The following BAHCC1 variants were observed in gnomAD, a reference collection of about 807,000 sequenced individuals.
The protein encoded by BAHCC1 is BAH and coiled-coil domain-containing protein 1.
A neutral mutation model predicts 88.2 loss-of-function variants in BAHCC1; 43 were observed. The observed-to-expected ratio is 0.49, with a 90% CI of 0.38 to 0.63. The LOEUF (loss-of-function observed/expected upper bound fraction) is 0.63, where lower values mean the gene tolerates loss of function less well. Ranked by LOEUF, BAHCC1 falls within the 20% of genes least tolerant of loss-of-function variation. The pLI, the probability that BAHCC1 is intolerant of heterozygous loss-of-function variation, is 0.00. For missense variants in BAHCC1, 3,023 were observed against 1,654.8 expected (o/e 1.83, Z -14.34); for synonymous variants, 1,510 against 745.5 (o/e 2.03, Z -16.71).
At chr17:81,457,626 A>C in intron 17 of BAHCC1, 34 bp downstream of exon 17, 1 of 674,962 alleles carries the variant, frequency 1.5e-6, no homozygotes, top group Non-Finnish European at 2.7e-6. Flanking sequence ...TTGCTAGGTA[A>C]CCAGGAGGGA....
intron 12 of BAHCC1, 31 bp from the exon 13 acceptor site, chr17:81,451,940 G>A (rs782457043): frequency 1.1e-5 from 7 of 625,486 alleles, no homozygotes; most frequent in Middle Eastern, 2.5e-4. Flanking sequence ...GCCCTGGCCC[G>A]GCTCACAGGC....
At chr17:81,417,698 C>T (rs1421093582) in intron 2 of BAHCC1, among the ~76,000 whole-genome samples, 4 of 152,208 alleles carry the variant, frequency 2.6e-5, no homozygotes, top group South Asian at 2.1e-4. Context: ...GCCGTTTCCA[C>T]GCTGATTGGG....
intron 2 of BAHCC1, among the ~76,000 whole-genome samples, chr17:81,410,321 C>T (rs2063934398): frequency 6.6e-6 from 1 of 152,134 alleles, no homozygotes; most frequent in South Asian, 2.1e-4. Flanking sequence ...CCTGAGGGCC[C>T]ACCTCATGCC....
chr17:81,421,492 G>T (rs1005041276), intron 2 of BAHCC1, among the ~76,000 whole-genome samples: 4 of 152,244 alleles, frequency 2.6e-5, no homozygotes, highest in African/African-American at 9.6e-5. Flanking sequence ...GTGGGATAGG[G>T]AGGGCCTCAG....
rs966780744 is a variant in BAHCC1 at position 81,399,979 on chromosome 17, C to T, written c.178+62C>T. ...GTTCGAGAGCGGAACAGGGCGCCCA[C>T]CCCTCCGCTCCCGGGAGCAGAGAAG... On this transcript the variant is annotated intron_variant, in intron 2 of 27. Transcript: ENST00000675386. The surrounding 1 kb of genome is among the most constrained non-coding windows in gnomAD (Gnocchi z 4.5). 2.5e-5 allele frequency: 31 copies of T among 1,218,640 alleles called. No individual in the cohort carries two copies. Among genetic ancestry groups the T allele is most frequent in the Admixed American group, 8.7e-5 (2 of 22,998 alleles). 75.5% of individuals were successfully genotyped at this position (1,218,640 alleles called of 1,614,324 possible). A position where few individuals can be genotyped will look rare whatever the true frequency, so the allele number is the denominator to read the frequency against.
chr17:81,448,275 C>A (rs1189721662), intron 11 of BAHCC1, among the ~76,000 whole-genome samples: 1 of 152,202 alleles, frequency 6.6e-6, no homozygotes, highest in African/African-American at 2.4e-5. Context: ...ACCGTCGGCT[C>A]CCCGCTTCAG....
Position 81,399,074 on chromosome 17 carries a change from C to T in BAHCC1, c.-206-460C>T, listed in dbSNP as rs1175833255. ...GGGAGAGCTAGTGTGGACCCCAGGC[C>T]TTTTCCTCCGAGACACCTTTGGGCA... On this transcript the variant is annotated intron_variant, in intron 1 of 27. Transcript: ENST00000675386. This position sits in a 1 kb window ranked among gnomAD's most constrained non-coding sequence, Gnocchi z 4.5. 6 of 207,092 alleles carry T rather than the reference C, an allele frequency of 2.9e-5. No homozygotes were observed. The highest frequency in any genetic ancestry group is 1.4e-4 in the African/African-American group (6 of 41,862). The allele number at this position is 207,092 out of a possible 1,614,324, so 12.8% of individuals were successfully genotyped here. A position where few individuals can be genotyped will look rare whatever the true frequency, so the allele number is the denominator to read the frequency against.
At chr17:81,408,422 C>T (rs1163522635) in intron 2 of BAHCC1, among the ~76,000 whole-genome samples, 2 of 151,872 alleles carry the variant, frequency 1.3e-5, no homozygotes, top group African/African-American at 4.8e-5. Context: ...CCCTGCACCC[C>T]CACCTCTCAG....
intron 26 of BAHCC1, 161 bp from the exon 27 acceptor site, chr17:81,462,579 C>T (rs2030395208): frequency 1.7e-6 from 1 of 591,568 alleles, no homozygotes; most frequent in Non-Finnish European, 3.0e-6. Context: ...CTGCCATGGC[C>T]TTAAGCCGCG....
In BAHCC1 at chr17:81,459,582, G is replaced by A. The variant is rs143104730; in HGVS notation, c.5883G>A (p.Leu1961=). 85 of 779,722 alleles carry A rather than the reference G, an allele frequency of 1.1e-4. No homozygotes were observed. Among genetic ancestry groups the A allele is most frequent in the East Asian group, 3.9e-4 (16 of 41,242 alleles). 48.3% of individuals were successfully genotyped at this position (779,722 alleles called of 1,614,324 possible). Residue 1961 remains leucine, a synonymous_variant, in exon 23 of 28, where the codon CTG becomes CTA. Coordinates refer to ENST00000675386, the MANE Select transcript of BAHCC1 (RefSeq NM_001377448.1). ...CAYWSQKSRC[L]YPGNVVRGAS... is the part of the protein sequence containing the mutation. ...ACTGGAGTCAGAAGTCTCGATGTCTGTACCCGGGCAACGTGGTCCGGGGTA... is the reference window on the plus strand; with the variant it reads ...ACTGGAGTCAGAAGTCTCGATGTCTATACCCGGGCAACGTGGTCCGGGGTA...
chr17:81,398,988 A>G (rs1598443544), intron 1 of BAHCC1, among the ~76,000 whole-genome samples: 1 of 151,810 alleles, frequency 6.6e-6, no homozygotes, highest in Admixed American at 6.6e-5. Flanking sequence ...CTTAATTAGC[A>G]TGGTTATTCG....
chr17:81,462,451 G>C (rs924003620), intron 26 of BAHCC1: 1 of 510,192 alleles, frequency 2.0e-6, no homozygotes, highest in Non-Finnish European at 3.5e-6. Context: ...TTTTGCCTTC[G>C]TAAATAACAC....
chr17:81,449,275 C>T (rs1392966149), intron 11 of BAHCC1, among the ~76,000 whole-genome samples: 1 of 152,154 alleles, frequency 6.6e-6, no homozygotes, highest in South Asian at 2.1e-4. Flanking sequence ...CATGGTCCCC[C>T]CCTGGGCCCC....
chr17:81,415,651 C>A, intron 2 of BAHCC1: 1 of 475,106 alleles, frequency 2.1e-6, no homozygotes, highest in Non-Finnish European at 4.2e-6. Context: ...TCCTTCTTAG[C>A]ACCAGGGGCA....
At position 81,411,056 on chromosome 17, in the gene BAHCC1, C is replaced by G; in HGVS notation, c.178+11139C>G. The G allele has an allele frequency of 3.9e-6, 2 of 518,896 alleles. No individual in the cohort carries two copies. Among genetic ancestry groups the G allele is most frequent in the Non-Finnish European group, 7.7e-6 (2 of 259,702 alleles). The allele number at this position is 518,896 out of a possible 1,614,324, so 32.1% of individuals were successfully genotyped here. On this transcript the variant is annotated intron_variant, in intron 2 of 27. Coordinates refer to ENST00000675386, the MANE Select transcript of BAHCC1 (RefSeq NM_001377448.1). The surrounding 1 kb of genome is among the most constrained non-coding windows in gnomAD (Gnocchi z 6.2). ...AGGCCTGGGGCCCCCGTGCGCCTCC[C>G]CTCGGGCCTGAGGGGTCCCTCTCTC...
rs781902813 is a variant in BAHCC1 at position 81,447,179 on chromosome 17, C to T, written c.3307C>T (p.Pro1103Ser). The T allele has an allele frequency of 2.6e-6, 2 of 770,432 alleles. No individual in the cohort carries two copies. The highest frequency in any genetic ancestry group is 2.7e-5 in the South Asian group (2 of 73,552). 47.7% of individuals were successfully genotyped at this position (770,432 alleles called of 1,614,324 possible). ...AQPEPTRTFLPGEPPPCSPRS... is the reference protein window; with the variant it reads ...AQPEPTRTFLSGEPPPCSPRS... ...GCCTGAGCCCACAAGGACATTCCTGCCTGGGGAGCCGCCTCCCTGCAGCCC... is the reference window on the plus strand; with the variant it reads ...GCCTGAGCCCACAAGGACATTCCTGTCTGGGGAGCCGCCTCCCTGCAGCCC... Residue 1103 changes from proline to serine, a missense_variant, in exon 11 of 28, where the codon CCT becomes TCT. Pro to Ser is a moderately conservative substitution (Grantham distance 74). Coordinates refer to ENST00000675386, the MANE Select transcript of BAHCC1 (RefSeq NM_001377448.1).
intron 2 of BAHCC1, among the ~76,000 whole-genome samples, chr17:81,418,745 C>T (rs143547576): frequency 1.0e-4 from 14 of 138,812 alleles, no homozygotes; most frequent in Admixed American, 2.8e-4. Context: ...GTGCGCACAC[C>T]CACAGACGTG....
rs560395777 is a variant in BAHCC1, at chr17:81,443,717, C to T, written c.2216-92C>T. On this transcript the variant is annotated intron_variant, in intron 5 of 27. Transcript: ENST00000675386. ...GGGGATCCTCCTCAGTGCATCAGGC[C>T]CCCCAGCTCGAAGCGGGGTCACTGC... The T allele has an allele frequency of 1.3e-5, 9 of 671,330 alleles. No homozygotes were observed. In the Admixed American group the frequency reaches 1.9e-4, roughly 14 times the overall value. 41.6% of individuals were successfully genotyped at this position (671,330 alleles called of 1,614,324 possible). A position where few individuals can be genotyped will look rare whatever the true frequency, so the allele number is the denominator to read the frequency against.
chr17:81,422,836 G>C (rs1555649754), intron 2 of BAHCC1: 2 of 402,268 alleles, frequency 5.0e-6, no homozygotes. Context: ...CCAGGAGGGT[G>C]TGGGGGTGGG....
Sources: gnomAD v4.1 joint callset for allele counts (sites outside exome capture counted in the v4.1 genomes callset) on GRCh38, gnomAD v4.1.1 for gene constraint, Gnocchi (gnomAD v3.1) non-coding constraint, MANE v1.5 for transcripts, NCBI Gene and HGNC (gene_info 2026-07-23, HGNC 2026-07-21) for gene names.